Variants in AKAP19 observed in about 807,000 individuals in gnomAD.
The protein encoded by AKAP19 is A-kinase anchoring protein 19.
the AKAP19 span, among the ~76,000 whole-genome samples, chr2:190,124,921 A>T: frequency 1.3e-5 from 2 of 152,058 alleles, no homozygotes; most frequent in African/African-American, 4.8e-5. Context: ...AGACAAAAAC[A>T]CACACATTAG....
At chr2:189,936,003 T>G in the AKAP19 span, among the ~76,000 whole-genome samples, 1 of 152,136 alleles carries the variant, frequency 6.6e-6, no homozygotes, top group Non-Finnish European at 1.5e-5. Context: ...TTTCATTTGC[T>G]CTTTTGAAAA....
At chr2:190,010,417 G>C in the AKAP19 span, among the ~76,000 whole-genome samples, 4 of 152,150 alleles carry the variant, frequency 2.6e-5, no homozygotes, top group East Asian at 7.7e-4. Flanking sequence ...TCATCAATGG[G>C]AGCAGAAGAG....
At chr2:190,139,062 C>T in the AKAP19 span, among the ~76,000 whole-genome samples, 2 of 152,180 alleles carry the variant, frequency 1.3e-5, no homozygotes, top group East Asian at 1.9e-4. Context: ...CAAATAATTC[C>T]TACTCTCATG....
the AKAP19 span, among the ~76,000 whole-genome samples, chr2:190,080,519 G>A: frequency 1.3e-5 from 2 of 152,166 alleles, no homozygotes; most frequent in Non-Finnish European, 2.9e-5. Context: ...TGAATGAGGT[G>A]ATCTCTATAT....
chr2:190,027,106 T>C, the AKAP19 span, among the ~76,000 whole-genome samples: 1 of 152,228 alleles, frequency 6.6e-6, no homozygotes, highest in Non-Finnish European at 1.5e-5. Flanking sequence ...AGTTCTTAAA[T>C]TGGCCCTTGG....
chr2:190,144,566 AT>A, the AKAP19 span, among the ~76,000 whole-genome samples: 1 of 152,232 alleles, frequency 6.6e-6, no homozygotes, highest in East Asian at 1.9e-4. Flanking sequence ...GTATTCATGT[AT>A]TTTTTATCCT....
At chr2:190,073,815 G>C in the AKAP19 span, among the ~76,000 whole-genome samples, 1 of 152,040 alleles carries the variant, frequency 6.6e-6, no homozygotes, top group Non-Finnish European at 1.5e-5. Flanking sequence ...ACTTTGGGAG[G>C]CCAAGGTGAT....
At chr2:190,046,251 T>G in the AKAP19 span, among the ~76,000 whole-genome samples, 13 of 152,336 alleles carry the variant, frequency 8.5e-5, 1 homozygote, top group East Asian at 1.7e-3. Flanking sequence ...GCCACTCCCA[T>G]TCTGAAGTTT....
chr2:190,002,603 T>C, the AKAP19 span, among the ~76,000 whole-genome samples: 1 of 152,206 alleles, frequency 6.6e-6, no homozygotes, highest in Non-Finnish European at 1.5e-5. Flanking sequence ...GGGGTCTAGA[T>C]AGCTTCAGCC....
the AKAP19 span, among the ~76,000 whole-genome samples, chr2:190,186,558 T>C: frequency 9.2e-5 from 14 of 152,334 alleles, no homozygotes; most frequent in African/African-American, 3.4e-4. The surrounding 1 kb of genome is among the most constrained non-coding windows in gnomAD (Gnocchi z 5.5). Context: ...ACCAAAGTCA[T>C]ATATACAGTA....
the AKAP19 span, among the ~76,000 whole-genome samples, chr2:189,921,255 G>C: frequency 6.6e-6 from 1 of 152,136 alleles, no homozygotes; most frequent in African/African-American, 2.4e-5. Context: ...AGCAAAGAAG[G>C]CTGATAAGAA....
the AKAP19 span, among the ~76,000 whole-genome samples, chr2:190,045,640 G>T: frequency 1.3e-5 from 2 of 152,128 alleles, no homozygotes; most frequent in African/African-American, 2.4e-5. Flanking sequence ...CTCCAAGAGC[G>T]CCTTCTAAGG....
chr2:190,172,350 C>T, the AKAP19 span, among the ~76,000 whole-genome samples: 1 of 152,254 alleles, frequency 6.6e-6, no homozygotes, highest in East Asian at 1.9e-4. Context: ...TATCTTATCT[C>T]TGTGGCTGGC....
At chr2:190,196,450 T>C in the AKAP19 span, among the ~76,000 whole-genome samples, 1 of 152,084 alleles carries the variant, frequency 6.6e-6, no homozygotes, top group Non-Finnish European at 1.5e-5. Context: ...TAGTTTTTCC[T>C]TTATTTTCTT....
chr2:190,135,154 T>G, the AKAP19 span, among the ~76,000 whole-genome samples: 1 of 152,190 alleles, frequency 6.6e-6, no homozygotes, highest in Admixed American at 6.5e-5. Flanking sequence ...TTAGGGTGAT[T>G]GAAAATGAGG....
At chr2:190,080,736 G>A in the AKAP19 span, among the ~76,000 whole-genome samples, 307 of 152,258 alleles carry the variant, frequency 2.0e-3, 1 homozygote, top group African/African-American at 7.0e-3. Flanking sequence ...ATTATACAAG[G>A]GTCTGGTGTG....
At chr2:189,958,522 C>CACATATAT in the AKAP19 span, among the ~76,000 whole-genome samples, 2 of 143,746 alleles carry the variant, frequency 1.4e-5, no homozygotes, top group African/African-American at 5.1e-5. Flanking sequence ...ACACACATAA[C>CACATATAT]ATATATATAT....
chr2:189,978,383 G>A, the AKAP19 span, among the ~76,000 whole-genome samples: 7 of 152,266 alleles, frequency 4.6e-5, no homozygotes, highest in African/African-American at 1.4e-4. Context: ...CAGTTTGGGA[G>A]GCTGAGGCGG....
the AKAP19 span, chr2:190,062,297 G>A: frequency 6.8e-6 from 11 of 1,613,312 alleles, no homozygotes; most frequent in Non-Finnish European, 8.5e-6. Context: ...CATCGCTGCT[G>A]TCATCCCTCT....
Sources: allele counts gnomAD v4.1 joint callset (sites outside exome capture counted in the v4.1 genomes callset), GRCh38; gene constraint gnomAD v4.1.1; non-coding constraint Gnocchi (gnomAD v3.1); transcripts MANE v1.5; gene names NCBI Gene and HGNC (gene_info 2026-07-23, HGNC 2026-07-21).